Variants in SYNPR observed in about 807,000 individuals in gnomAD.
SYNPR encodes synaptoporin.
Under a neutral mutation model 32.9 loss-of-function variants are expected in SYNPR, and 23 were observed. That is an observed-to-expected ratio of 0.70 (90% CI 0.50 to 0.99). SYNPR has a LOEUF of 0.99. Ranked by LOEUF, SYNPR falls within the 50% of genes least tolerant of loss-of-function variation. SYNPR has a pLI of 0.00. For synonymous variants in SYNPR, 146 were observed against 135.9 expected, an observed-to-expected ratio of 1.07 and a Z score of -0.52; for missense variants, 318 against 349.3, an observed-to-expected ratio of 0.91 and a Z score of 0.71.
chr3:63,286,415 T>C (rs2086681923), intron 2 of SYNPR, among the ~76,000 whole-genome samples: 1 of 152,184 alleles, frequency 6.6e-6, no homozygotes, highest in Non-Finnish European at 1.5e-5. Flanking sequence ...AGGGTCCTTA[T>C]AGGGTCAGAT....
At chr3:63,333,281 C>A (rs7613184) in intron 2 of SYNPR, among the ~76,000 whole-genome samples, 41,844 of 151,046 alleles carry the variant, frequency 0.28, 6,944 homozygotes, top group Non-Finnish European at 0.38. Flanking sequence ...ACCTTCCACA[C>A]CCCCTCCTGC....
intron 2 of SYNPR, among the ~76,000 whole-genome samples, chr3:63,259,726 C>T (rs1158687898): frequency 6.6e-6 from 1 of 152,068 alleles, no homozygotes; most frequent in Non-Finnish European, 1.5e-5. Context: ...CTGGCCAGGG[C>T]AATCAGGCAA....
At chr3:63,340,439 A>G (rs1293141528) in intron 2 of SYNPR, among the ~76,000 whole-genome samples, 3 of 45,456 alleles carry the variant, frequency 6.6e-5, no homozygotes, top group African/African-American at 1.3e-4. Context: ...TTTTTTTTTG[A>G]GACGGAGTCT....
At chr3:63,388,043 G>A (rs2088078405) in intron 2 of SYNPR, among the ~76,000 whole-genome samples, 1 of 152,152 alleles carries the variant, frequency 6.6e-6, no homozygotes, top group African/African-American at 2.4e-5. Context: ...AGCGGACCCT[G>A]CAGGGAGTTC....
intron 2 of SYNPR, among the ~76,000 whole-genome samples, chr3:63,306,594 G>A (rs1244798299): frequency 1.3e-5 from 2 of 151,742 alleles, no homozygotes; most frequent in Non-Finnish European, 1.5e-5. Flanking sequence ...TTACCAAGGA[G>A]TTCATTATAA....
At chr3:63,592,675 TTAAA>T (rs1699859864) in intron 4 of SYNPR, among the ~76,000 whole-genome samples, 1 of 152,050 alleles carries the variant, frequency 6.6e-6, no homozygotes, top group Non-Finnish European at 1.5e-5. Flanking sequence ...TTCTACTGAG[TTAAA>T]TAAATACGAC....
At chr3:63,485,239 C>A (rs1701124047) in intron 3 of SYNPR, among the ~76,000 whole-genome samples, 1 of 151,916 alleles carries the variant, frequency 6.6e-6, no homozygotes, top group African/African-American at 2.4e-5. Flanking sequence ...AAAGGGGTCA[C>A]TGAAAGACAC....
intron 2 of SYNPR, among the ~76,000 whole-genome samples, chr3:63,254,876 T>A (rs1427824484): frequency 6.6e-6 from 1 of 152,114 alleles, no homozygotes; most frequent in East Asian, 1.9e-4. Flanking sequence ...GGTCTTCTTA[T>A]AAGAATGGCC....
At chr3:63,232,178 A>G (rs970513058) in intron 1 of SYNPR, among the ~76,000 whole-genome samples, 1 of 122,106 alleles carries the variant, frequency 8.2e-6, no homozygotes. Flanking sequence ...TCAAGTGAGT[A>G]TTTCAGATTC....
chr3:63,452,048 T>C, intron 2 of SYNPR: 1 of 701,478 alleles, frequency 1.4e-6, no homozygotes, highest in Non-Finnish European at 2.6e-6. Context: ...TTTTTCTCTT[T>C]CTCCCACTGC....
At chr3:63,500,229 C>T (rs148330395) in intron 3 of SYNPR, among the ~76,000 whole-genome samples, 3 of 152,226 alleles carry the variant, frequency 2.0e-5, no homozygotes, top group Admixed American at 6.5e-5. Flanking sequence ...CCATCCTAAA[C>T]GATAATACCC....
intron 2 of SYNPR, among the ~76,000 whole-genome samples, chr3:63,340,542 C>T (rs2087353760): frequency 6.7e-6 from 1 of 149,624 alleles, no homozygotes; most frequent in Non-Finnish European, 1.5e-5. Flanking sequence ...GCCTCAGCCT[C>T]CCAAGTAGCT....
chr3:63,575,499 T>C (rs1330967078), intron 4 of SYNPR, among the ~76,000 whole-genome samples: 3 of 152,160 alleles, frequency 2.0e-5, no homozygotes, highest in Non-Finnish European at 4.4e-5. Flanking sequence ...TAAATAAAAA[T>C]AACTTTTCCC....
chr3:63,559,783 G>A lies in SYNPR; in HGVS notation c.408+3042G>A, dbSNP rs375978933. Among the ~76,000 whole-genome samples the A allele has an allele frequency of 2.6e-5, 4 of 151,328 alleles. No individual in the cohort carries two copies. In the East Asian group the frequency reaches 5.8e-4, roughly 22 times the overall value. On this transcript the variant is annotated intron_variant, in intron 4 of 5. Transcript: ENST00000478300. ...ATCTTTAACAGAGTCACCAAACTTG[G>A]GCTTATCCCCACCATGATGTACAGA... is the stretch of plus-strand genomic sequence containing the variant.
chr3:63,547,491 T>G (rs139559727), intron 3 of SYNPR, among the ~76,000 whole-genome samples: 270 of 152,274 alleles, frequency 1.8e-3, no homozygotes, highest in African/African-American at 6.1e-3. Context: ...TGTGAGGTGC[T>G]GGTGGCATAA....
intron 2 of SYNPR, among the ~76,000 whole-genome samples, chr3:63,336,518 GCAAAAAAAAAAA>G (rs2087296769): frequency 4.7e-5 from 1 of 21,054 alleles, no homozygotes; most frequent in African/African-American, 1.7e-4. Context: ...ACATTCCCAT[GCAAAAAAAAAAA>G]AAAAAAAAAA....
intron 1 of SYNPR, among the ~76,000 whole-genome samples, chr3:63,228,791 C>A (rs1252549173): frequency 6.6e-6 from 1 of 152,042 alleles, no homozygotes; most frequent in Non-Finnish European, 1.5e-5. Context: ...TCTGGCACCA[C>A]CAAGAGGCTA....
At chr3:63,497,309 A>G (rs1480432818) in intron 3 of SYNPR, among the ~76,000 whole-genome samples, 1 of 152,214 alleles carries the variant, frequency 6.6e-6, no homozygotes, top group East Asian at 1.9e-4. Flanking sequence ...TTTGTTTCAT[A>G]GTACTTACAA....
At chr3:63,378,248 TTC>T (rs1431022758) in intron 2 of SYNPR, among the ~76,000 whole-genome samples, 2 of 151,944 alleles carry the variant, frequency 1.3e-5, no homozygotes, top group African/African-American at 4.8e-5. Context: ...CCTTCACATT[TTC>T]TCTCTTTAAA....
Sources: gnomAD v4.1 joint callset for allele counts (sites outside exome capture counted in the v4.1 genomes callset) on GRCh38, gnomAD v4.1.1 for gene constraint, MANE v1.5 for transcripts, NCBI Gene and HGNC (gene_info 2026-07-23, HGNC 2026-07-21) for gene names.